Variants in ASTN2 observed in about 807,000 individuals in gnomAD.
ASTN2 encodes astrotactin-2.
ASTN2 carries 54 observed loss-of-function variants against 139.8 expected under a neutral mutation model. The ratio of observed to expected loss-of-function variants is 0.39; its 90% CI spans 0.31 to 0.48. The LOEUF is 0.48. Ranked by LOEUF, ASTN2 falls within the 20% of genes least tolerant of loss-of-function variation. The pLI, the probability that ASTN2 is intolerant of heterozygous loss-of-function variation, is 0.95. For missense variants in ASTN2, 1,565 were observed against 1,725.1 expected, an observed-to-expected ratio of 0.91 and a Z score of 1.64; for synonymous variants, 756 against 719.5, an observed-to-expected ratio of 1.05 and a Z score of -0.81.
At chr9:117,203,376 T>A (rs1156800873) in intron 3 of ASTN2, among the ~76,000 whole-genome samples, 2 of 152,114 alleles carry the variant, frequency 1.3e-5, no homozygotes, top group East Asian at 3.9e-4. Context: ...TCTAGGCCCT[T>A]GATAGACAGA....
chr9:116,916,498 G>A (rs1291364869), intron 10 of ASTN2, among the ~76,000 whole-genome samples: 1 of 152,086 alleles, frequency 6.6e-6, no homozygotes, highest in Non-Finnish European at 1.5e-5. Flanking sequence ...CAAGTCTTTG[G>A]CCGTCTGACA....
At chr9:116,659,842 A>C (rs1427680435) in intron 16 of ASTN2, among the ~76,000 whole-genome samples, 1 of 152,304 alleles carries the variant, frequency 6.6e-6, no homozygotes, top group African/African-American at 2.4e-5. Context: ...TGTGGAAATC[A>C]GTACCTTTCT....
At chr9:116,854,818 A>AT (rs1369238358) in intron 11 of ASTN2, among the ~76,000 whole-genome samples, 3 of 151,598 alleles carry the variant, frequency 2.0e-5, no homozygotes, top group African/African-American at 4.9e-5. Flanking sequence ...CGCTCTGCTA[A>AT]TTTTTTTGTA....
At chr9:116,802,692 C>T (rs1263902597) in intron 13 of ASTN2, among the ~76,000 whole-genome samples, 4 of 152,172 alleles carry the variant, frequency 2.6e-5, no homozygotes, top group Non-Finnish European at 5.9e-5. Flanking sequence ...ATAAAACATA[C>T]AATGTACCTA....
intron 19 of ASTN2, among the ~76,000 whole-genome samples, chr9:116,538,300 G>C (rs1851732350): frequency 6.6e-6 from 1 of 151,508 alleles, no homozygotes; most frequent in African/African-American, 2.4e-5. Flanking sequence ...AATGAAGGAA[G>C]GGAATGAGGA....
chr9:116,969,571 G>A (rs1836123958), intron 10 of ASTN2, among the ~76,000 whole-genome samples: 1 of 152,110 alleles, frequency 6.6e-6, no homozygotes, highest in Admixed American at 6.5e-5. Context: ...GAGTGCACCA[G>A]AGAAACACAG....
intron 19 of ASTN2, among the ~76,000 whole-genome samples, chr9:116,527,946 T>C (rs1472570377): frequency 6.6e-6 from 1 of 152,116 alleles, no homozygotes; most frequent in African/African-American, 2.4e-5. Flanking sequence ...GAGTCAAACC[T>C]CTTTTCTTTA....
chr9:117,337,512 T>C (rs1828924753), intron 1 of ASTN2, among the ~76,000 whole-genome samples: 1 of 152,202 alleles, frequency 6.6e-6, no homozygotes, highest in Non-Finnish European at 1.5e-5. Flanking sequence ...TTCATTCTTA[T>C]AACAGCACCG....
intron 20 of ASTN2, among the ~76,000 whole-genome samples, chr9:116,446,268 G>GAGAGAGAT (rs1174205493): frequency 1.3e-5 from 1 of 76,912 alleles, no homozygotes; most frequent in East Asian, 3.5e-4. Context: ...GAGAGAGAGA[G>GAGAGAGAT]AGATAGAGAG....
intron 2 of ASTN2, among the ~76,000 whole-genome samples, chr9:117,257,293 T>A (rs935451240): frequency 1.3e-5 from 2 of 152,208 alleles, no homozygotes; most frequent in African/African-American, 4.8e-5. Context: ...GCATGAAAGC[T>A]AGCTTAAAGG....
At chr9:116,997,680 C>T (rs941884146) in intron 7 of ASTN2, among the ~76,000 whole-genome samples, 8 of 152,144 alleles carry the variant, frequency 5.3e-5, no homozygotes, top group Non-Finnish European at 1.2e-4. Context: ...AATATATGAA[C>T]TTGAGAATGT....
At chr9:116,585,842 C>G (rs1459899646) in intron 19 of ASTN2, 1 of 151,992 alleles carries the variant, frequency 6.6e-6, no homozygotes, top group African/African-American at 2.4e-5. Context: ...AGCTTTCGCA[C>G]AGCAAAAGAA....
Position 116,455,129 on chromosome 9 carries a change from A to T in ASTN2, c.3498-12576T>A, listed in dbSNP as rs143373058. On this transcript the variant is annotated intron_variant, in intron 20 of 22. Transcript: ENST00000313400. ...TTTGGGAGGCCAAGGGAGGTGGATC[A>T]CCTGAGGTCAGGAGTTCGAGACCAG... Among the ~76,000 whole-genome samples, 560 of 152,172 alleles carry T rather than the reference A, an allele frequency of 3.7e-3. 3 individuals carry two copies. The highest frequency in any genetic ancestry group is 0.012 in the African/African-American group (496 of 41,552).
rs537447779 is a variant in ASTN2 at position 117,180,739 on chromosome 9, C to T, written c.1015+33619G>A. On this transcript the variant is annotated intron_variant, in intron 3 of 22. Transcript: ENST00000313400. ...GGCCCGCCACTTGTCCAGAGGGCCA[C>T]GACTGGGGATGTACTTGACCCCACA... The T allele has an allele frequency of 1.5e-3, 2,324 of 1,590,442 alleles. 53 individuals carry two copies. In the South Asian group the frequency reaches 0.024, roughly 16 times the overall value.
At chr9:116,525,319 T>C (rs1306561547) in intron 19 of ASTN2, among the ~76,000 whole-genome samples, 2 of 152,174 alleles carry the variant, frequency 1.3e-5, no homozygotes, top group Non-Finnish European at 2.9e-5. Context: ...TTGGAACACA[T>C]GTGGACAGTA....
At chr9:117,349,337 T>G (rs1829319571) in intron 1 of ASTN2, among the ~76,000 whole-genome samples, 1 of 152,150 alleles carries the variant, frequency 6.6e-6, no homozygotes, top group Non-Finnish European at 1.5e-5. Flanking sequence ...TGAGGGCCAG[T>G]GTGCATGGCT....
At chr9:116,697,809 T>G in intron 16 of ASTN2, 1 of 1,614,164 alleles carries the variant, frequency 6.2e-7, no homozygotes, top group Non-Finnish European at 8.5e-7. Context: ...ATGCCCCATC[T>G]GCATGGAGTC....
intron 16 of ASTN2, chr9:116,686,791 G>C: frequency 6.4e-7 from 1 of 1,550,650 alleles, no homozygotes; most frequent in Non-Finnish European, 8.7e-7. Context: ...TTCCTTTACA[G>C]AGCAATGTGT....
chr9:117,377,594 C>T (rs1399728019), intron 1 of ASTN2, among the ~76,000 whole-genome samples: 1 of 151,822 alleles, frequency 6.6e-6, no homozygotes, highest in Non-Finnish European at 1.5e-5. Context: ...TTTTTGACCT[C>T]ATAATACTGC....
Sources: allele counts gnomAD v4.1 joint callset (sites outside exome capture counted in the v4.1 genomes callset), GRCh38; gene constraint gnomAD v4.1.1; transcripts MANE v1.5; gene names NCBI Gene and HGNC (gene_info 2026-07-23, HGNC 2026-07-21).